PTPRJ: variants seen among roughly 807,000 people sequenced by gnomAD.
The protein encoded by PTPRJ is protein tyrosine phosphatase receptor type J.
In PTPRJ, 129 loss-of-function variants were observed where a neutral mutation model predicts 141.3. The ratio of observed to expected loss-of-function variants is 0.91; its 90% CI spans 0.79 to 1.06. The LOEUF (loss-of-function observed/expected upper bound fraction) is 1.06, where lower values mean the gene tolerates loss of function less well. Ranked by LOEUF, PTPRJ falls within the 50% of genes least tolerant of loss-of-function variation. PTPRJ has a pLI of 0.00. For synonymous variants in PTPRJ, 610 were observed against 640.5 expected (o/e 0.95, Z 0.72); for missense variants, 1,601 against 1,679.7 (o/e 0.95, Z 0.82).
chr11:48,112,465 T>A (rs1280294933), intron 2 of PTPRJ, among the ~76,000 whole-genome samples: 1 of 152,202 alleles, frequency 6.6e-6, no homozygotes, highest in Non-Finnish European at 1.5e-5. Context: ...GTGCCTGAGC[T>A]CTTGGCCATA....
chr11:48,136,931 G>C (rs770687888), intron 9 of PTPRJ, 72 bp from the exon 10 acceptor site: 32 of 1,400,930 alleles, frequency 2.3e-5, no homozygotes, highest in Non-Finnish European at 2.9e-5. Flanking sequence ...GCTATTTTTG[G>C]ATATAGTAAA....
At chr11:48,120,547 T>A (rs1323474745) in intron 3 of PTPRJ, among the ~76,000 whole-genome samples, 2 of 152,132 alleles carry the variant, frequency 1.3e-5, no homozygotes, top group African/African-American at 4.8e-5. Context: ...TGCCTCAGCC[T>A]CCCGAGTAGC....
In PTPRJ at chr11:48,137,214, G is replaced by A. The variant is rs761511527; in HGVS notation, c.2085G>A (p.Val695=). The A allele has an allele frequency of 1.2e-5, 19 of 1,613,994 alleles. No individual in the cohort carries two copies. In the East Asian group the frequency reaches 4.0e-4, roughly 34 times the overall value. ...TELIPGSSYT[V]EIFAQVGDGI... is the part of the protein sequence containing the mutation. ...TAATACCTGGCTCATCATACACAGT[G>A]GAGATCTTTGCACAAGTAGGGGATG... Residue 695 remains valine, a synonymous_variant, in exon 10 of 25, where the codon GTG becomes GTA. Coordinates refer to ENST00000418331, the MANE Select transcript of PTPRJ (RefSeq NM_002843.4).
intron 1 of PTPRJ, among the ~76,000 whole-genome samples, chr11:48,037,609 C>T (rs372997081): frequency 5.3e-5 from 8 of 152,198 alleles, no homozygotes; most frequent in Admixed American, 6.5e-5. Context: ...TCCAGGAGTT[C>T]GAGACCAGCC....
chr11:48,164,598 G>C (rs1218032352), intron 24 of PTPRJ, 83 bp downstream of exon 24: 3 of 1,340,724 alleles, frequency 2.2e-6, no homozygotes, highest in Non-Finnish European at 2.9e-6. Context: ...ACGGAGTCTT[G>C]CTCTGTCGCC....
intron 1 of PTPRJ, among the ~76,000 whole-genome samples, chr11:48,031,075 G>A (rs1482933146): frequency 6.6e-6 from 1 of 152,152 alleles, no homozygotes; most frequent in Non-Finnish European, 1.5e-5. Context: ...CTACTCCTCT[G>A]CTCACCTCTA....
At chr11:48,127,432 C>T (rs546120333) in intron 6 of PTPRJ, among the ~76,000 whole-genome samples, 4 of 152,210 alleles carry the variant, frequency 2.6e-5, no homozygotes, top group South Asian at 2.1e-4. Context: ...TCGCAGTGTT[C>T]GCTCTTGCAT....
chr11:48,147,771 C>G (rs542762102), intron 15 of PTPRJ, among the ~76,000 whole-genome samples: 2 of 152,274 alleles, frequency 1.3e-5, no homozygotes, highest in South Asian at 4.1e-4. Flanking sequence ...TCATGCGGCC[C>G]AGGCCGGTTC....
At chr11:48,127,444 A>G (rs1326128116) in intron 6 of PTPRJ, among the ~76,000 whole-genome samples, 1 of 149,610 alleles carries the variant, frequency 6.7e-6, no homozygotes, top group African/African-American at 2.6e-5. Context: ...CTCTTGCATC[A>G]TGTGTGTTTG....
chr11:48,051,992 G>T (rs932335999), intron 1 of PTPRJ, among the ~76,000 whole-genome samples: 6 of 152,220 alleles, frequency 3.9e-5, no homozygotes, highest in Non-Finnish European at 7.3e-5. Flanking sequence ...TAACAGTGAT[G>T]ATAGTGACAA....
At chr11:48,129,337 C>T (rs1424802950) in intron 7 of PTPRJ, among the ~76,000 whole-genome samples, 1 of 152,176 alleles carries the variant, frequency 6.6e-6, no homozygotes, top group Non-Finnish European at 1.5e-5. Context: ...CTTCTGAGGC[C>T]TCCCTCTTGG....
At chr11:48,013,353 G>A (rs1442188920) in intron 1 of PTPRJ, among the ~76,000 whole-genome samples, 2 of 152,126 alleles carry the variant, frequency 1.3e-5, no homozygotes, top group Non-Finnish European at 2.9e-5. Flanking sequence ...GGGGTCAGAG[G>A]TCAAGGCCAG....
In PTPRJ at chr11:48,159,841, G is replaced by GT. The variant is rs57867822; in HGVS notation, c.3439-85dup. The GT allele has an allele frequency of 4.3e-4, 660 of 1,529,166 alleles. 2 individuals are homozygous for GT. In the African/African-American group the frequency reaches 7.7e-3, roughly 18 times the overall value. 94.7% of individuals were successfully genotyped at this position (1,529,166 alleles called of 1,614,324 possible). A position where few individuals can be genotyped will look rare whatever the true frequency, so the allele number is the denominator to read the frequency against. On this transcript the variant is annotated intron_variant, in intron 21 of 24. Coordinates refer to ENST00000418331, the MANE Select transcript of PTPRJ (RefSeq NM_002843.4). ...AGGTCTGATTCCATCTCTGATGCCA[G>GT]TTTTCAATAGCCAGTCTCCCTTGTG... is the stretch of plus-strand genomic sequence containing the variant.
At chr11:48,072,375 C>G (rs969219100) in intron 1 of PTPRJ, among the ~76,000 whole-genome samples, 4 of 152,152 alleles carry the variant, frequency 2.6e-5, no homozygotes, top group African/African-American at 9.7e-5. Flanking sequence ...TATAATGGCA[C>G]CAACCCCACC....
intron 1 of PTPRJ, among the ~76,000 whole-genome samples, chr11:48,067,650 C>T (rs1341062619): frequency 3.9e-5 from 6 of 152,132 alleles, no homozygotes; most frequent in African/African-American, 1.4e-4. Flanking sequence ...AAAAGAAACC[C>T]GAACAAGCAA....
chr11:48,118,765 C>T (rs1590524277), intron 3 of PTPRJ, among the ~76,000 whole-genome samples: 1 of 152,286 alleles, frequency 6.6e-6, no homozygotes, highest in South Asian at 2.1e-4. Flanking sequence ...ACTGTGCTTT[C>T]TTTTCTGAAC....
intron 1 of PTPRJ, among the ~76,000 whole-genome samples, chr11:48,066,630 G>C (rs894541989): frequency 6.6e-6 from 1 of 151,010 alleles, no homozygotes; most frequent in Non-Finnish European, 1.5e-5. Flanking sequence ...GTGTCGCCCA[G>C]GCTGGAGTGC....
chr11:48,031,807 T>A (rs1352486958), intron 1 of PTPRJ, among the ~76,000 whole-genome samples: 1 of 152,222 alleles, frequency 6.6e-6, no homozygotes, highest in Non-Finnish European at 1.5e-5. Flanking sequence ...GCATATAGCG[T>A]GGCTCCTGAA....
chr11:48,057,975 G>A (rs1201237097), intron 1 of PTPRJ, among the ~76,000 whole-genome samples: 2 of 151,220 alleles, frequency 1.3e-5, no homozygotes, highest in African/African-American at 4.9e-5. Context: ...GCAATGGCAC[G>A]ATCTCGGCTC....
Sources: gnomAD v4.1 joint callset for allele counts (sites outside exome capture counted in the v4.1 genomes callset) on GRCh38, gnomAD v4.1.1 for gene constraint, MANE v1.5 for transcripts, NCBI Gene and HGNC (gene_info 2026-07-23, HGNC 2026-07-21) for gene names.